The following ROBO2 variants were observed in gnomAD, a reference collection of about 807,000 sequenced individuals.
The protein encoded by ROBO2 is roundabout guidance receptor 2, also known as roundabout homolog 2.
ROBO2 carries 53 observed loss-of-function variants against 160.8 expected under a neutral mutation model. That is an observed-to-expected ratio of 0.33 (90% CI 0.26 to 0.41). The LOEUF (loss-of-function observed/expected upper bound fraction) is 0.41. Ranked by LOEUF, ROBO2 falls within the 10% of genes least tolerant of loss-of-function variation. The pLI is 1.00. For missense variants in ROBO2, 1,577 were observed against 1,722.4 expected, an observed-to-expected ratio of 0.92 and a Z score of 1.49; for synonymous variants, 664 against 611.7, an observed-to-expected ratio of 1.09 and a Z score of -1.26.
intron 2 of ROBO2, among the ~76,000 whole-genome samples, chr3:75,947,778 C>G (rs1948371333): frequency 6.6e-6 from 1 of 152,092 alleles, no homozygotes; most frequent in African/African-American, 2.4e-5. Context: ...CATTCACTCC[C>G]TCATACAAAG....
At chr3:77,224,583 A>T (rs1344063656) in intron 2 of ROBO2, among the ~76,000 whole-genome samples, 1 of 151,942 alleles carries the variant, frequency 6.6e-6, no homozygotes, top group Admixed American at 6.6e-5. Context: ...ATTTGAGTTA[A>T]ATCCATATTA....
chr3:76,788,935 G>C (rs573254338), intron 2 of ROBO2, among the ~76,000 whole-genome samples: 1 of 151,642 alleles, frequency 6.6e-6, no homozygotes, highest in South Asian at 2.1e-4. Flanking sequence ...GACCTTTCTT[G>C]ATGTTCAGTG....
At chr3:76,090,287 T>TC (rs570404259) in intron 2 of ROBO2, among the ~76,000 whole-genome samples, 35 of 151,896 alleles carry the variant, frequency 2.3e-4, no homozygotes, top group Non-Finnish European at 3.7e-4. Flanking sequence ...ATGGTGAAAC[T>TC]CCATCTCCAG....
intron 6 of ROBO2, among the ~76,000 whole-genome samples, chr3:77,527,035 G>A (rs1470515874): frequency 2.0e-5 from 3 of 151,380 alleles, no homozygotes; most frequent in African/African-American, 4.8e-5. Flanking sequence ...TTATTGACAT[G>A]ACATTTGCTA....
Position 76,195,054 on chromosome 3 carries a change from A to G in ROBO2, c.109+257452A>G, listed in dbSNP as rs537996968. On this transcript the variant is annotated intron_variant, in intron 2 of 26. Coordinates refer to the ROBO2 transcript ENST00000487694. ...CTCCCAAAAAGGGCACCATGTTTAC[A>G]TTTGTGAATAGTCAGGCAACTTGTC... is the stretch of plus-strand genomic sequence containing the variant. 3.2e-3 allele frequency among the ~76,000 whole-genome samples: 482 copies of G among 152,292 alleles called. 1 individual carries two copies. The highest frequency in any genetic ancestry group is 4.8e-3 in the Non-Finnish European group (327 of 68,022).
intron 2 of ROBO2, among the ~76,000 whole-genome samples, chr3:76,688,628 C>T (rs1212072172): frequency 1.9e-5 from 2 of 106,032 alleles, no homozygotes; most frequent in South Asian, 3.1e-4. Flanking sequence ...TGTGTGTGTG[C>T]ATGCAAGAAA....
intron 2 of ROBO2, among the ~76,000 whole-genome samples, chr3:77,198,261 A>C (rs766425054): frequency 1.3e-5 from 2 of 152,214 alleles, no homozygotes; most frequent in Non-Finnish European, 2.9e-5. Context: ...TTGATAGAGA[A>C]TAGCAGGAAG....
intron 2 of ROBO2, among the ~76,000 whole-genome samples, chr3:76,194,205 T>C (rs1702137365): frequency 6.6e-6 from 1 of 151,548 alleles, no homozygotes; most frequent in Non-Finnish European, 1.5e-5. Context: ...ACTAACATTT[T>C]ATTTTCTATT....
At chr3:76,959,601 G>T (rs1460187898) in intron 2 of ROBO2, among the ~76,000 whole-genome samples, 1 of 152,068 alleles carries the variant, frequency 6.6e-6, no homozygotes, top group Non-Finnish European at 1.5e-5. Flanking sequence ...CATTTTCAAG[G>T]ATGCTAAGTC....
intron 12 of ROBO2, among the ~76,000 whole-genome samples, chr3:77,567,130 G>C (rs1266721884): frequency 2.0e-5 from 3 of 151,558 alleles, no homozygotes; most frequent in Admixed American, 1.3e-4. Flanking sequence ...CTAAGTATTA[G>C]TCTCAATTAT....
intron 2 of ROBO2, among the ~76,000 whole-genome samples, chr3:77,172,861 C>T (rs1189476538): frequency 6.6e-6 from 1 of 152,158 alleles, no homozygotes; most frequent in African/African-American, 2.4e-5. Context: ...GGGCCCAGGC[C>T]CTCTGGGATG....
intron 2 of ROBO2, among the ~76,000 whole-genome samples, chr3:77,421,502 T>A (rs1581807077): frequency 6.6e-6 from 1 of 152,154 alleles, no homozygotes; most frequent in Non-Finnish European, 1.5e-5. Context: ...TAATGCTTCA[T>A]AAGAATTAGC....
At chr3:77,601,101 A>G (rs1182229230) in intron 19 of ROBO2, among the ~76,000 whole-genome samples, 2 of 152,174 alleles carry the variant, frequency 1.3e-5, no homozygotes, top group East Asian at 3.9e-4. Context: ...TTTTTAGCTT[A>G]TGTAAAATTC....
chr3:75,968,434 G>T (rs1412514635), intron 2 of ROBO2, among the ~76,000 whole-genome samples: 7 of 151,350 alleles, frequency 4.6e-5, no homozygotes, highest in African/African-American at 1.7e-4. Flanking sequence ...AATTTTTAAT[G>T]TATAAATTGT....
chr3:77,017,822 A>AT (rs2062373067), intron 2 of ROBO2, among the ~76,000 whole-genome samples: 1 of 151,912 alleles, frequency 6.6e-6, no homozygotes, highest in Non-Finnish European at 1.5e-5. Flanking sequence ...ATCATCTAAT[A>AT]TTTTGTTTTT....
chr3:77,253,230 T>C (rs1235537972), intron 2 of ROBO2, among the ~76,000 whole-genome samples: 1 of 152,174 alleles, frequency 6.6e-6, no homozygotes, highest in Non-Finnish European at 1.5e-5. Flanking sequence ...ATTTAAAAGA[T>C]AATTGTGGTT....
chr3:77,460,529 G>A (rs145551882), intron 2 of ROBO2, among the ~76,000 whole-genome samples: 53 of 152,246 alleles, frequency 3.5e-4, no homozygotes, highest in African/African-American at 1.2e-3. Flanking sequence ...AAGTACTGAC[G>A]ATTTTTTAAG....
At chr3:76,974,713 C>T (rs2059729036) in intron 2 of ROBO2, among the ~76,000 whole-genome samples, 2 of 152,124 alleles carry the variant, frequency 1.3e-5, no homozygotes, top group African/African-American at 2.4e-5. Flanking sequence ...ATTTGTTGCT[C>T]GAAATGTGCC....
intron 2 of ROBO2, among the ~76,000 whole-genome samples, chr3:76,068,282 T>A (rs1195630266): frequency 2.0e-5 from 3 of 152,098 alleles, no homozygotes; most frequent in African/African-American, 2.4e-5. Context: ...AAGGAGACAG[T>A]GGGGTAATGG....
Sources: gnomAD v4.1 joint callset for allele counts (sites outside exome capture counted in the v4.1 genomes callset) on GRCh38, gnomAD v4.1.1 for gene constraint, MANE v1.5 for transcripts, NCBI Gene and HGNC (gene_info 2026-07-23, HGNC 2026-07-21) for gene names.